The following HAPSTR1 variants were observed in gnomAD, a reference collection of about 807,000 sequenced individuals.
HAPSTR1 encodes the protein HUWE1 associated protein modifying stress responses, also known as HUWE1-associated protein modifying stress responses 1.
the HAPSTR1 span, among the ~76,000 whole-genome samples, chr16:9,114,777 CTT>C: frequency 6.6e-6 from 1 of 152,180 alleles, no homozygotes; most frequent in Admixed American, 6.5e-5. Flanking sequence ...AGTGCCAGCT[CTT>C]GTTTACTACC....
At chr16:9,094,104 G>A in the HAPSTR1 span, among the ~76,000 whole-genome samples, 4 of 152,042 alleles carry the variant, frequency 2.6e-5, no homozygotes, top group African/African-American at 9.7e-5. Context: ...CATCTTGTAG[G>A]AAAAAATATC....
chr16:9,118,375 T>C, the HAPSTR1 span: 1 of 152,660 alleles, frequency 6.6e-6, no homozygotes, highest in Non-Finnish European at 1.5e-5. Flanking sequence ...AAGTTTGCAA[T>C]TTCTTCAGCC....
At chr16:9,098,122 G>C in the HAPSTR1 span, among the ~76,000 whole-genome samples, 1 of 152,144 alleles carries the variant, frequency 6.6e-6, no homozygotes, top group Admixed American at 6.5e-5. Flanking sequence ...TTTGAGGTCG[G>C]GAGTTTGAGA....
At chr16:9,110,836 G>C in the HAPSTR1 span, 1 of 152,312 alleles carries the variant, frequency 6.6e-6, no homozygotes, top group Non-Finnish European at 1.5e-5. Context: ...TCAGGAGTTT[G>C]AGACCGGCCT....
At chr16:9,111,141 C>G in the HAPSTR1 span, 112 of 152,386 alleles carry the variant, frequency 7.3e-4, no homozygotes, top group African/African-American at 2.5e-3. Flanking sequence ...TATACACATT[C>G]ACCTTTCAGA....
At chr16:9,092,728 G>C in the HAPSTR1 span, among the ~76,000 whole-genome samples, 2 of 151,890 alleles carry the variant, frequency 1.3e-5, no homozygotes, top group South Asian at 2.1e-4. Flanking sequence ...CCTTTTCCCC[G>C]CCGCGACCTC....
At chr16:9,096,962 G>A in the HAPSTR1 span, among the ~76,000 whole-genome samples, 1 of 151,844 alleles carries the variant, frequency 6.6e-6, no homozygotes, top group Admixed American at 6.6e-5. Flanking sequence ...CTTTTTTGGA[G>A]ACGAAGTCTC....
chr16:9,114,100 C>T, the HAPSTR1 span, among the ~76,000 whole-genome samples: 3 of 152,162 alleles, frequency 2.0e-5, no homozygotes, highest in South Asian at 2.1e-4. Context: ...AAAGATAGCT[C>T]AAGATTTTTT....
chr16:9,108,675 A>C, the HAPSTR1 span: 6 of 152,138 alleles, frequency 3.9e-5, no homozygotes, highest in African/African-American at 1.4e-4. Context: ...CCATAAGCTA[A>C]TCGGGATTAG....
the HAPSTR1 span, among the ~76,000 whole-genome samples, chr16:9,095,001 T>G: frequency 2.6e-5 from 4 of 152,358 alleles, no homozygotes; most frequent in South Asian, 8.3e-4. Flanking sequence ...TTAAAAATGT[T>G]TACAATTTGT....
chr16:9,099,876 G>A, the HAPSTR1 span, among the ~76,000 whole-genome samples: 1 of 152,126 alleles, frequency 6.6e-6, no homozygotes, highest in South Asian at 2.1e-4. Flanking sequence ...TTATGAGAAA[G>A]GTTTGTTTTC....
the HAPSTR1 span, among the ~76,000 whole-genome samples, chr16:9,098,552 C>A: frequency 6.6e-6 from 1 of 152,114 alleles, no homozygotes; most frequent in African/African-American, 2.4e-5. Flanking sequence ...TGCCAGGGCT[C>A]ACACCTGTAG....
chr16:9,098,182 A>ACTT, the HAPSTR1 span, among the ~76,000 whole-genome samples: 1 of 152,132 alleles, frequency 6.6e-6, no homozygotes, highest in Non-Finnish European at 1.5e-5. Context: ...AAAATAAAAG[A>ACTT]TTAACTGGGC....
At chr16:9,096,606 G>A in the HAPSTR1 span, among the ~76,000 whole-genome samples, 4 of 152,184 alleles carry the variant, frequency 2.6e-5, no homozygotes, top group Non-Finnish European at 5.9e-5. Flanking sequence ...GAAACAAATG[G>A]CCAGAAATCA....
At chr16:9,104,502 CT>C in the HAPSTR1 span, 1 of 152,192 alleles carries the variant, frequency 6.6e-6, no homozygotes, top group Admixed American at 6.5e-5. Flanking sequence ...TATAAAGAAA[CT>C]TTATAGACGT....
At chr16:9,103,531 C>A in the HAPSTR1 span, 11 of 382,072 alleles carry the variant, frequency 2.9e-5, no homozygotes, top group African/African-American at 1.9e-4. Flanking sequence ...GAATTTATCG[C>A]TTTACACTTA....
chr16:9,116,757 A>C, the HAPSTR1 span: 1 of 1,614,210 alleles, frequency 6.2e-7, no homozygotes, highest in Non-Finnish European at 8.5e-7. Flanking sequence ...TGCTAGTCGA[A>C]GGAGAAATGG....
chr16:9,116,725 C>T, the HAPSTR1 span: 1 of 1,614,178 alleles, frequency 6.2e-7, no homozygotes, highest in Non-Finnish European at 8.5e-7. Flanking sequence ...GGCTCTCCTA[C>T]ACATGTAAGC....
the HAPSTR1 span, chr16:9,108,678 G>A: frequency 2.6e-5 from 4 of 152,042 alleles, no homozygotes; most frequent in African/African-American, 7.3e-5. Context: ...TAAGCTAATC[G>A]GGATTAGTAG....
Sources: allele counts gnomAD v4.1 joint callset (sites outside exome capture counted in the v4.1 genomes callset), GRCh38; gene constraint gnomAD v4.1.1; transcripts MANE v1.5; gene names NCBI Gene and HGNC (gene_info 2026-07-23, HGNC 2026-07-21).